Variants in STXBP6 observed in about 807,000 individuals in gnomAD.
The protein encoded by STXBP6 is syntaxin-binding protein 6.
A neutral mutation model predicts 26.9 loss-of-function variants in STXBP6; 21 were observed. The observed-to-expected ratio is 0.78, with a 90% CI of 0.55 to 1.12. The LOEUF is 1.12. Ranked by LOEUF, STXBP6 falls within the 50% of genes most tolerant of loss-of-function variation. STXBP6 has a pLI of 0.00. For synonymous variants in STXBP6, 97 were observed against 92.6 expected, an observed-to-expected ratio of 1.05 and a Z score of -0.27; for missense variants, 232 against 257.9, an observed-to-expected ratio of 0.90 and a Z score of 0.69.
chr14:24,877,017 G>T (rs1294677885), intron 2 of STXBP6, among the ~76,000 whole-genome samples: 2 of 152,158 alleles, frequency 1.3e-5, no homozygotes, highest in Non-Finnish European at 2.9e-5. Flanking sequence ...ACTTTGAAGA[G>T]TTCAATTCAG....
At position 25,049,946 on chromosome 14, in the gene STXBP6, C is replaced by G; in HGVS notation, c.-101G>C. 1 of 921,958 alleles carries G rather than the reference C, an allele frequency of 1.1e-6. No homozygotes were observed. Among genetic ancestry groups the G allele is most frequent in the South Asian group, 5.0e-5 (1 of 19,930 alleles). The allele number at this position is 921,958 out of a possible 1,614,324, so 57.1% of individuals were successfully genotyped here. ...GCGTCCCAGAGCACGAGGCTCCTCC[C>G]CGGGGGGCTGCCCCGCGCGGGGCTC... On this transcript the variant is annotated 5_prime_UTR_variant, in exon 1 of 6. Transcript: ENST00000323944. This position sits in a 1 kb window ranked among gnomAD's most constrained non-coding sequence, Gnocchi z 5.6.
At chr14:24,841,678 C>A (rs955349935) in intron 4 of STXBP6, among the ~76,000 whole-genome samples, 1 of 152,130 alleles carries the variant, frequency 6.6e-6, no homozygotes, top group East Asian at 1.9e-4. Context: ...TTGACCCTGG[C>A]CAGTCTAGAG....
intron 4 of STXBP6, among the ~76,000 whole-genome samples, chr14:24,837,566 TG>T (rs1278747378): frequency 6.6e-6 from 1 of 152,190 alleles, no homozygotes; most frequent in Non-Finnish European, 1.5e-5. Flanking sequence ...GTTAGCAGGT[TG>T]GAACTCTCAG....
At position 24,974,651 on chromosome 14, in the gene STXBP6, C is replaced by G. The variant is rs1230838230; in HGVS notation, c.154+14G>C. 7 of 1,541,136 alleles carry G rather than the reference C, an allele frequency of 4.5e-6. No individual in the cohort carries two copies. The highest frequency in any genetic ancestry group is 6.1e-6 in the Non-Finnish European group (7 of 1,141,268). On this transcript the variant is annotated intron_variant, in intron 2 of 5. Transcript: ENST00000323944. ...GAAGTTATTTTAATAATATTAATAT[C>G]TGGTTCTCATTACCTGACAGGCAGA...
chr14:24,918,801 G>T (rs1456866006), intron 2 of STXBP6, among the ~76,000 whole-genome samples: 3 of 151,978 alleles, frequency 2.0e-5, no homozygotes, highest in Non-Finnish European at 4.4e-5. Context: ...TCTTATGTTT[G>T]AATATTAACT....
intron 1 of STXBP6, among the ~76,000 whole-genome samples, chr14:25,002,738 G>A (rs1465944174): frequency 6.6e-6 from 1 of 151,738 alleles, no homozygotes; most frequent in Admixed American, 6.6e-5. Flanking sequence ...TAAGCAACAA[G>A]TCAGCACTGA....
At chr14:24,884,208 A>G (rs2070484691) in intron 2 of STXBP6, among the ~76,000 whole-genome samples, 1 of 152,210 alleles carries the variant, frequency 6.6e-6, no homozygotes, top group Admixed American at 6.5e-5. Flanking sequence ...CTGCAGACTA[A>G]TCTAATCCTT....
At chr14:25,000,036 T>C (rs1595288269) in intron 1 of STXBP6, among the ~76,000 whole-genome samples, 1 of 152,198 alleles carries the variant, frequency 6.6e-6, no homozygotes, top group Non-Finnish European at 1.5e-5. Flanking sequence ...AGATAATTTA[T>C]TTAAAGTTTT....
chr14:25,035,660 A>G (rs1482195927), intron 1 of STXBP6, among the ~76,000 whole-genome samples: 1 of 152,242 alleles, frequency 6.6e-6, no homozygotes, highest in Admixed American at 6.5e-5. Context: ...GGAAGTTTTC[A>G]TTAAAATGTC....
chr14:24,973,627 C>A (rs2073966670), intron 2 of STXBP6, among the ~76,000 whole-genome samples: 2 of 152,080 alleles, frequency 1.3e-5, no homozygotes, highest in East Asian at 1.9e-4. Flanking sequence ...CTCAGATGAT[C>A]CTCCTGCCTT....
intron 1 of STXBP6, among the ~76,000 whole-genome samples, chr14:24,995,480 T>A (rs2074579349): frequency 6.6e-6 from 1 of 152,194 alleles, no homozygotes; most frequent in East Asian, 1.9e-4. Flanking sequence ...ATGTATAGAT[T>A]AATTCCTACT....
At chr14:25,032,304 G>A (rs568115179) in intron 1 of STXBP6, among the ~76,000 whole-genome samples, 1 of 152,084 alleles carries the variant, frequency 6.6e-6, no homozygotes, top group Non-Finnish European at 1.5e-5. Context: ...GACATCGCTC[G>A]ACACAGAGGA....
intron 2 of STXBP6, among the ~76,000 whole-genome samples, chr14:24,887,596 G>A (rs1027401659): frequency 1.8e-4 from 28 of 152,156 alleles, no homozygotes; most frequent in African/African-American, 6.8e-4. Flanking sequence ...GAAAAACAGT[G>A]AGAATGTGCT....
At chr14:24,888,657 A>C (rs2070675614) in intron 2 of STXBP6, among the ~76,000 whole-genome samples, 1 of 151,414 alleles carries the variant, frequency 6.6e-6, no homozygotes, top group African/African-American at 2.4e-5. Context: ...CGGGAGGTGT[A>C]GGCTGCAGTG....
At chr14:24,999,172 A>G (rs887671990) in intron 1 of STXBP6, among the ~76,000 whole-genome samples, 1 of 152,190 alleles carries the variant, frequency 6.6e-6, no homozygotes, top group African/African-American at 2.4e-5. Flanking sequence ...AAACCATCAT[A>G]AGTCAGGGAT....
chr14:24,869,502 T>G (rs1479253767), intron 2 of STXBP6, among the ~76,000 whole-genome samples: 3 of 152,178 alleles, frequency 2.0e-5, no homozygotes, highest in African/African-American at 7.2e-5. Context: ...TTTCCAGGCA[T>G]GGCCTTGATG....
intron 1 of STXBP6, among the ~76,000 whole-genome samples, chr14:25,029,249 C>A (rs2075405646): frequency 6.6e-6 from 1 of 152,206 alleles, no homozygotes. Context: ...TCAATCAATG[C>A]AGCAAACTTC....
chr14:24,892,530 C>T (rs1473717661), intron 2 of STXBP6, among the ~76,000 whole-genome samples: 1 of 152,068 alleles, frequency 6.6e-6, no homozygotes, highest in South Asian at 2.1e-4. Flanking sequence ...GATTCTGGGC[C>T]AACCACACCC....
chr14:24,989,133 T>C (rs1022579943), intron 1 of STXBP6, among the ~76,000 whole-genome samples: 1 of 152,196 alleles, frequency 6.6e-6, no homozygotes, highest in African/African-American at 2.4e-5. Context: ...CCACCATCTC[T>C]ACAACCTCCA....
Sources: allele counts gnomAD v4.1 joint callset (sites outside exome capture counted in the v4.1 genomes callset), GRCh38; gene constraint gnomAD v4.1.1; non-coding constraint Gnocchi (gnomAD v3.1); transcripts MANE v1.5; gene names NCBI Gene and HGNC (gene_info 2026-07-23, HGNC 2026-07-21).